Variants in SESN2 observed in about 807,000 individuals in gnomAD.
SESN2 encodes sestrin 2, also known as sestrin-2.
SESN2 carries 42 observed loss-of-function variants against 56.0 expected under a neutral mutation model. That is an observed-to-expected ratio of 0.75 (90% CI 0.59 to 0.97). SESN2 has a LOEUF of 0.97. Among genes scored for constraint, SESN2 ranks in the 50% least tolerant of loss-of-function variants. The pLI is 0.00. For synonymous variants in SESN2, 264 were observed against 267.1 expected, an observed-to-expected ratio of 0.99 and a Z score of 0.11; for missense variants, 507 against 649.4, an observed-to-expected ratio of 0.78 and a Z score of 2.38.
Position 28,259,892 on chromosome 1 carries a change from C to G in SESN2, c.45C>G (p.Tyr15Ter), listed in dbSNP as rs1429231819. 3 of 1,453,534 alleles carry G rather than the reference C, an allele frequency of 2.1e-6. No homozygotes were observed. Among genetic ancestry groups the G allele is most frequent in the Non-Finnish European group, 2.7e-6 (3 of 1,107,084 alleles). 90.0% of individuals were successfully genotyped at this position (1,453,534 alleles called of 1,614,324 possible). The change falls in exon 1 of 10, where the codon TAC becomes TAG. Residue 15 changes from tyrosine to a stop codon, truncating the protein, a stop_gained. Transcript: ENST00000253063. LOFTEE classifies it high-confidence loss of function. The stretch of plus-strand genomic sequence containing the variant: ...AGTGCCGCGCAGAGCTCAAGGACTA[C>G]CTGCGGTTCGCCCCGGGCGGCGTCG... ...DSECRAELKD[Y>*]LRFAPGGVGD... is the part of the protein sequence containing the mutation.
rs773106118 is a variant in SESN2, at chr1:28,271,826, G to A, written c.309G>A (p.Thr103=). 3.7e-6 allele frequency: 6 copies of A among 1,614,062 alleles called. No homozygotes were observed. The highest frequency in any genetic ancestry group is 2.2e-5 in the East Asian group (1 of 44,892). Residue 103 remains threonine (T), a synonymous_variant, in exon 3 of 10, where the codon ACG becomes ACA. Transcript: ENST00000253063. ...GCCTGCACTACCTGCTGCTGCACAC[G>A]GATGGTCCCTTGGCCAGCTCCTGGC... ...FWRLHYLLLH[T]DGPLASSWRH... is the part of the protein sequence containing the mutation.
At chr1:28,280,610 G>A in intron 9 of SESN2, 106 bp from the exon 10 acceptor site, 1 of 849,398 alleles carries the variant, frequency 1.2e-6, no homozygotes, top group African/African-American at 1.6e-5. Flanking sequence ...CAGCTCTGTA[G>A]GAAAGGAAAT....
Position 28,271,726 on chromosome 1 carries a change from T to G in SESN2, c.209T>G (p.Leu70Arg). 6.2e-7 allele frequency: 1 copy of G among 1,614,234 alleles called. No homozygotes were observed. The highest frequency in any genetic ancestry group is 1.6e-4 in the Middle Eastern group (1 of 6,062). The change falls in exon 3 of 10, where the codon CTG becomes CGG. Residue 70 changes from leucine (L) to arginine (R), a missense_variant. Physicochemically the swap from Leu to Arg is moderately radical, Grantham distance 102 (BLOSUM62 -2). Transcript: ENST00000253063. ...SLEQHLGLEA[L>R]MSSGRVDNLA... ...GAGCAGCACCTGGGGCTGGAGGCAC[T>G]GATGTCCTCTGGGCGAGTAGACAAC... is the stretch of plus-strand genomic sequence containing the variant.
At chr1:28,280,337 G>T (rs946128300) in intron 9 of SESN2, among the ~76,000 whole-genome samples, 1 of 152,198 alleles carries the variant, frequency 6.6e-6, no homozygotes, top group South Asian at 2.1e-4. Flanking sequence ...TTTCCAAGTA[G>T]CTGGGATTAC....
chr1:28,276,058 G>A (rs972811818), intron 8 of SESN2, among the ~76,000 whole-genome samples: 4 of 151,788 alleles, frequency 2.6e-5, no homozygotes, highest in African/African-American at 9.7e-5. Flanking sequence ...GAGGCAGGAG[G>A]ATCCCTTGAG....
intron 1 of SESN2, among the ~76,000 whole-genome samples, chr1:28,266,479 T>C (rs749193475): frequency 1.3e-5 from 2 of 151,956 alleles, no homozygotes; most frequent in Non-Finnish European, 2.9e-5. Context: ...GTAAAGAAAC[T>C]GAGGCTCATA....
chr1:28,269,624 T>C (rs1647686438), intron 2 of SESN2, among the ~76,000 whole-genome samples: 2 of 152,224 alleles, frequency 1.3e-5, no homozygotes. Flanking sequence ...ATGTTTATTA[T>C]TTTAAAAATT....
chr1:28,272,249 G>T (rs745545739), intron 3 of SESN2, 35 bp from the exon 4 acceptor site: 1 of 1,605,846 alleles, frequency 6.2e-7, no homozygotes, highest in Non-Finnish European at 8.5e-7. Context: ...ACAAAAGGAG[G>T]AGGGTGACTC....
intron 8 of SESN2, among the ~76,000 whole-genome samples, chr1:28,278,347 T>C (rs1303763854): frequency 2.6e-5 from 4 of 152,110 alleles, no homozygotes; most frequent in African/African-American, 7.2e-5. Flanking sequence ...GGCAGGCGGA[T>C]CATGAGGTCA....
intron 1 of SESN2, among the ~76,000 whole-genome samples, chr1:28,266,415 A>G (rs928408986): frequency 6.6e-6 from 1 of 152,174 alleles, no homozygotes; most frequent in Non-Finnish European, 1.5e-5. Context: ...GTGTTATCTC[A>G]TGAAATCCTC....
intron 4 of SESN2, 48 bp from the exon 5 acceptor site, chr1:28,272,533 C>T: frequency 6.2e-7 from 1 of 1,608,750 alleles, no homozygotes; most frequent in Non-Finnish European, 8.5e-7. Flanking sequence ...GGTGGGTAAC[C>T]CAGGGCAGGC....
At chr1:28,264,424 C>G (rs967256369) in intron 1 of SESN2, among the ~76,000 whole-genome samples, 11 of 152,196 alleles carry the variant, frequency 7.2e-5, no homozygotes, top group African/African-American at 2.7e-4. Context: ...GAATGACCAC[C>G]TAAAGGGTTA....
chr1:28,260,316 G>A (rs1432101480), intron 1 of SESN2, among the ~76,000 whole-genome samples: 2 of 152,082 alleles, frequency 1.3e-5, no homozygotes, highest in African/African-American at 2.4e-5. Flanking sequence ...CGGCCGGAGC[G>A]GCCAGACCAC....
rs2089246 is a variant in SESN2 at position 28,275,846 on chromosome 1, G to T, written c.1211+831G>T. Among the ~76,000 whole-genome samples the T allele has an allele frequency of 2.9e-3, 447 of 152,236 alleles. 2 individuals carry two copies. The highest frequency in any genetic ancestry group is 7.6e-3 in the Admixed American group (116 of 15,292). ...ATGTGAAAAGATTGCTTGAGACCAGGAGTTCAAGACGAGCTTGGGCAACAT... is the reference window on the plus strand; with the variant it reads ...ATGTGAAAAGATTGCTTGAGACCAGTAGTTCAAGACGAGCTTGGGCAACAT... On this transcript the variant is annotated intron_variant, in intron 8 of 9. Transcript: ENST00000253063.
intron 9 of SESN2, among the ~76,000 whole-genome samples, chr1:28,279,608 C>T (rs1220620784): frequency 1.1e-4 from 17 of 148,208 alleles, no homozygotes; most frequent in African/African-American, 4.0e-4. Context: ...TGCAGTGGCA[C>T]GATCTTGGCT....
In SESN2 at chr1:28,271,787, T is replaced by G; in HGVS notation, c.270T>G (p.Phe90Leu). 1.2e-6 allele frequency: 2 copies of G among 1,614,218 alleles called. No individual in the cohort carries two copies. Among genetic ancestry groups the G allele is most frequent in the Non-Finnish European group, 1.7e-6 (2 of 1,180,032 alleles). ...AVVMGLHPDY[F>L]TSFWRLHYLL... ...TGATGGGCCTGCACCCTGACTACTT[T>G]ACCAGCTTCTGGCGCCTGCACTACC... is the stretch of plus-strand genomic sequence containing the variant. The change falls in exon 3 of 10, where the codon TTT (phenylalanine) becomes TTG (leucine). Residue 90 changes from phenylalanine (F) to leucine (L), a missense_variant. Phe to Leu is a conservative substitution (Grantham distance 22, BLOSUM62 0). Coordinates refer to ENST00000253063, the MANE Select transcript of SESN2 (RefSeq NM_031459.5).
At position 28,279,095 on chromosome 1, in the gene SESN2, A is replaced by G. The variant is rs766127829; in HGVS notation, c.1212-2A>G. The G allele has an allele frequency of 6.2e-7, 1 of 1,614,146 alleles. No individual in the cohort carries two copies. The highest frequency in any genetic ancestry group is 1.1e-5 in the South Asian group (1 of 91,084). ...TAATGCTGCTGGGACCTTTCCATCC[A>G]GATATGATGACTATGATTATGGGGA... On this transcript the variant is annotated splice_acceptor_variant, in intron 8 of 9. Coordinates refer to ENST00000253063, the MANE Select transcript of SESN2 (RefSeq NM_031459.5). LOFTEE classifies it high-confidence loss of function.
rs1053107 is a variant in SESN2 at position 28,281,379 on chromosome 1, G to T, written c.*577G>T. The T allele has an allele frequency of 0.062, 9,455 of 152,002 alleles. 419 individuals carry two copies. The highest frequency in any genetic ancestry group is 0.12 in the African/African-American group (5,128 of 41,382). The allele number at this position is 152,002 out of a possible 1,614,324, so 9.4% of individuals were successfully genotyped here. Reference sequence around the variant, plus strand: ...TGCCCGAATCCTAGTTCAGTTTTTTGACTTCCTTTGCCCTTTTTCCCTTTT... The same window carrying T: ...TGCCCGAATCCTAGTTCAGTTTTTTTACTTCCTTTGCCCTTTTTCCCTTTT... On this transcript the variant is annotated 3_prime_UTR_variant, in exon 10 of 10. Coordinates refer to ENST00000253063, the MANE Select transcript of SESN2 (RefSeq NM_031459.5).
chr1:28,260,871 C>CT (rs1417008656), intron 1 of SESN2, among the ~76,000 whole-genome samples: 1 of 152,048 alleles, frequency 6.6e-6, no homozygotes, highest in African/African-American at 2.4e-5. Context: ...ATACCAGGCT[C>CT]TGAGTTTTTT....
Sources: allele counts gnomAD v4.1 joint callset (sites outside exome capture counted in the v4.1 genomes callset), GRCh38; gene constraint gnomAD v4.1.1; transcripts MANE v1.5; gene names NCBI Gene and HGNC (gene_info 2026-07-23, HGNC 2026-07-21).